ALKAL1: variants seen among roughly 807,000 people sequenced by gnomAD.
ALKAL1 encodes AUG-beta.
ALKAL1 carries 23 observed loss-of-function variants against 13.5 expected under a neutral mutation model. The observed-to-expected ratio is 1.70, with a 90% confidence interval of 1.23 to 2.41. The LOEUF (loss-of-function observed/expected upper bound fraction) is 2.41, where lower values mean the gene tolerates loss of function less well. Among genes scored for constraint, ALKAL1 ranks in the 30% most tolerant of loss-of-function variants. The probability of loss-of-function intolerance (pLI) is 0.00; values close to 1 mark genes in which losing one functional copy is unlikely to be tolerated. For missense variants in ALKAL1, 181 were observed against 178.4 expected (o/e 1.01, Z -0.08); for synonymous variants, 85 against 77.7 (o/e 1.09, Z -0.49).
chr8:52,537,926 T>G (rs1847278007), intron 4 of ALKAL1, among the ~76,000 whole-genome samples: 1 of 151,890 alleles, frequency 6.6e-6, no homozygotes, highest in Non-Finnish European at 1.5e-5. Flanking sequence ...GTAAACCCTG[T>G]CTCTACTAAA....
intron 1 of ALKAL1, among the ~76,000 whole-genome samples, chr8:52,546,430 A>G (rs1009125555): frequency 3.9e-5 from 6 of 152,346 alleles, no homozygotes; most frequent in Non-Finnish European, 8.8e-5. Flanking sequence ...AGACGCTAGG[A>G]ATAATAGCTC....
chr8:52,561,122 G>A (rs1166969334), intron 1 of ALKAL1, among the ~76,000 whole-genome samples: 2 of 151,884 alleles, frequency 1.3e-5, no homozygotes, highest in African/African-American at 4.8e-5. Context: ...GATATGCAAA[G>A]CAGCAAAAAT....
At chr8:52,546,531 G>A (rs772469588) in intron 1 of ALKAL1, among the ~76,000 whole-genome samples, 7 of 152,308 alleles carry the variant, frequency 4.6e-5, no homozygotes, top group Non-Finnish European at 7.3e-5. Flanking sequence ...GACAGGCCCA[G>A]GCAAGTCTTA....
At chr8:52,546,150 T>C (rs1038110115) in intron 1 of ALKAL1, among the ~76,000 whole-genome samples, 1 of 152,210 alleles carries the variant, frequency 6.6e-6, no homozygotes, top group East Asian at 1.9e-4. Flanking sequence ...GAAACGTCCT[T>C]TTGTGGCACG....
In ALKAL1 at chr8:52,539,883, G is replaced by A. The variant is rs1236168809; in HGVS notation, c.273C>T (p.Ser91=). The change falls in exon 3 of 5, where the codon AGC becomes AGT. Residue 91 remains serine (S), a synonymous_variant. Transcript: ENST00000358543. ...TGPVTFSPEC[S]KHFHRLYYNT... ...TGTAATAGAGTCGGTGGAAATGTTT[G>A]CTGCATTCTGGTGAAAATGTGACCG... is the stretch of plus-strand genomic sequence containing the variant. The A allele has an allele frequency of 1.6e-5, 26 of 1,613,608 alleles. No individual in the cohort carries two copies. Among genetic ancestry groups the A allele is most frequent in the East Asian group, 2.2e-5 (1 of 44,882 alleles).
chr8:52,558,347 CAAAAAAAAAAA>C (rs398007812), intron 1 of ALKAL1, among the ~76,000 whole-genome samples: 4 of 18,876 alleles, frequency 2.1e-4, no homozygotes, highest in African/African-American at 7.6e-4. Context: ...GACTCCATCT[CAAAAAAAAAAA>C]AAAAAAAAAA....
At chr8:52,558,720 T>C (rs1847509721) in intron 1 of ALKAL1, among the ~76,000 whole-genome samples, 2 of 152,146 alleles carry the variant, frequency 1.3e-5, no homozygotes. Flanking sequence ...TGCAAATAAA[T>C]GCCTAATTTA....
At chr8:52,562,544 CA>C (rs1215652849) in intron 1 of ALKAL1, among the ~76,000 whole-genome samples, 1 of 152,170 alleles carries the variant, frequency 6.6e-6, no homozygotes, top group Admixed American at 6.5e-5. Flanking sequence ...ATCCTCGGGG[CA>C]TGCTGTCTGG....
intron 1 of ALKAL1, among the ~76,000 whole-genome samples, chr8:52,556,814 C>A (rs1241287028): frequency 6.6e-6 from 1 of 151,986 alleles, no homozygotes; most frequent in Non-Finnish European, 1.5e-5. Flanking sequence ...TCCTTTCTTT[C>A]TTGTGAAGTA....
chr8:52,537,649 A>G (rs1847276318), intron 4 of ALKAL1, among the ~76,000 whole-genome samples: 1 of 152,156 alleles, frequency 6.6e-6, no homozygotes, highest in South Asian at 2.1e-4. Flanking sequence ...CATAAAAAGA[A>G]TGAAATGCTA....
At chr8:52,562,896 C>A (rs978896194) in intron 1 of ALKAL1, among the ~76,000 whole-genome samples, 2 of 152,252 alleles carry the variant, frequency 1.3e-5, no homozygotes, top group African/African-American at 4.8e-5. Context: ...CCAGATAGGC[C>A]CTTGTCCTCT....
intron 1 of ALKAL1, among the ~76,000 whole-genome samples, chr8:52,561,277 A>C (rs1847548203): frequency 6.6e-6 from 1 of 152,220 alleles, no homozygotes; most frequent in Non-Finnish European, 1.5e-5. Context: ...GCAGTATTTA[A>C]GTATGTCTAG....
intron 1 of ALKAL1, among the ~76,000 whole-genome samples, chr8:52,544,215 T>C (rs1458681321): frequency 6.6e-6 from 1 of 152,166 alleles, no homozygotes; most frequent in African/African-American, 2.4e-5. Context: ...TTGTACTCAG[T>C]ACAGCCCACC....
At chr8:52,552,930 A>G (rs1408275216) in intron 1 of ALKAL1, among the ~76,000 whole-genome samples, 1 of 152,220 alleles carries the variant, frequency 6.6e-6, no homozygotes, top group African/African-American at 2.4e-5. Flanking sequence ...GCTCCTGGTG[A>G]CTACGGTGTG....
chr8:52,551,723 T>A (rs1477744654), intron 1 of ALKAL1, among the ~76,000 whole-genome samples: 1 of 152,108 alleles, frequency 6.6e-6, no homozygotes, highest in Non-Finnish European at 1.5e-5. Context: ...AAAAATAAAT[T>A]ATTTATTTAT....
chr8:52,554,308 G>A (rs1164934263), intron 1 of ALKAL1, among the ~76,000 whole-genome samples: 14 of 152,196 alleles, frequency 9.2e-5, no homozygotes, highest in Admixed American at 9.2e-4. Flanking sequence ...TGTGTAATCA[G>A]TTATTAAGAA....
chr8:52,539,154 A>G (rs1304465528), intron 3 of ALKAL1, among the ~76,000 whole-genome samples: 1 of 152,180 alleles, frequency 6.6e-6, no homozygotes, highest in Non-Finnish European at 1.5e-5. Flanking sequence ...GCTGAGTAAA[A>G]GTCAATATTC....
intron 1 of ALKAL1, among the ~76,000 whole-genome samples, chr8:52,550,370 T>A (rs1381679430): frequency 1.3e-5 from 2 of 152,244 alleles, no homozygotes; most frequent in Non-Finnish European, 2.9e-5. Context: ...TTTATTTTAC[T>A]GGAACACAGT....
intron 1 of ALKAL1, among the ~76,000 whole-genome samples, chr8:52,555,386 G>A (rs1847472614): frequency 6.6e-6 from 1 of 152,062 alleles, no homozygotes; most frequent in Non-Finnish European, 1.5e-5. Context: ...TGACCCTGGA[G>A]AGAATGTCCC....
Sources: gnomAD v4.1 joint callset for allele counts (sites outside exome capture counted in the v4.1 genomes callset) on GRCh38, gnomAD v4.1.1 for gene constraint, MANE v1.5 for transcripts, NCBI Gene and HGNC (gene_info 2026-07-23, HGNC 2026-07-21) for gene names.